Variants in SAFB observed in about 807,000 individuals in gnomAD.
SAFB encodes the protein scaffold attachment factor B.
SAFB carries 15 observed loss-of-function variants against 101.6 expected under a neutral mutation model. The ratio of observed to expected loss-of-function variants is 0.15; its 90% CI spans 0.10 to 0.23. The LOEUF (loss-of-function observed/expected upper bound fraction) is 0.23, where lower values mean the gene tolerates loss of function less well. Among genes scored for constraint, SAFB ranks in the 10% least tolerant of loss-of-function variants. The pLI is 1.00. For synonymous variants in SAFB, 449 were observed against 407.5 expected (o/e 1.10, Z -1.23); for missense variants, 930 against 1,104.1 (o/e 0.84, Z 2.23).
At chr19:5,642,015 A>G (rs2053726840) in intron 4 of SAFB, 69 bp downstream of exon 4, 1 of 1,252,968 alleles carries the variant, frequency 8.0e-7, no homozygotes, top group East Asian at 2.4e-5. Context: ...ATAGGTGATC[A>G]GTTTCATATT....
At chr19:5,661,426 G>C (rs1342613287) in intron 14 of SAFB, 92 bp from the exon 15 acceptor site, 8 of 1,559,990 alleles carry the variant, frequency 5.1e-6, no homozygotes, top group Middle Eastern at 2.3e-4. Flanking sequence ...CACAGCCCTG[G>C]AGTCTGTGCG....
chr19:5,663,894 T>G, intron 15 of SAFB, 128 bp from the exon 16 acceptor site: 1 of 1,030,368 alleles, frequency 9.7e-7, no homozygotes, highest in East Asian at 2.4e-5. Flanking sequence ...CCTTGCCTCC[T>G]ATAGGAGAGA....
At chr19:5,632,392 C>T (rs754054837) in intron 2 of SAFB, among the ~76,000 whole-genome samples, 3 of 152,208 alleles carry the variant, frequency 2.0e-5, no homozygotes, top group Non-Finnish European at 4.4e-5. Flanking sequence ...TTGCAAGGCG[C>T]ATATGCCCCT....
At chr19:5,634,412 T>A (rs1262611553) in intron 2 of SAFB, among the ~76,000 whole-genome samples, 1 of 152,088 alleles carries the variant, frequency 6.6e-6, no homozygotes, top group East Asian at 1.9e-4. Flanking sequence ...TTTGTTCATT[T>A]GATGGTGGGG....
At chr19:5,647,913 C>T (rs975601332) in intron 5 of SAFB, 103 bp from the exon 6 acceptor site, 2 of 1,087,798 alleles carry the variant, frequency 1.8e-6, no homozygotes, top group Non-Finnish European at 1.4e-6. Context: ...AGTTTCCCTC[C>T]CTGGATTTTT....
chr19:5,640,008 TG>T (rs1457511508), intron 2 of SAFB, among the ~76,000 whole-genome samples: 1 of 151,710 alleles, frequency 6.6e-6, no homozygotes, highest in Non-Finnish European at 1.5e-5. Context: ...TGGCTAATTT[TG>T]TTTTTTGTTT....
intron 2 of SAFB, among the ~76,000 whole-genome samples, chr19:5,640,025 G>A (rs532949470): frequency 2.0e-5 from 3 of 151,546 alleles, no homozygotes; most frequent in Non-Finnish European, 1.5e-5. Context: ...TGTTTTTTTG[G>A]TTTTTTTTAG....
chr19:5,645,294 ATTG>A (rs776261119), intron 4 of SAFB, 40 bp from the exon 5 acceptor site: 120 of 818,366 alleles, frequency 1.5e-4, no homozygotes, highest in Admixed American at 1.1e-3. Context: ...ATGTTACGTT[ATTG>A]TTGGTGTGAT....
At chr19:5,645,761 A>G (rs954864981) in intron 5 of SAFB, among the ~76,000 whole-genome samples, 5 of 152,190 alleles carry the variant, frequency 3.3e-5, no homozygotes, top group Non-Finnish European at 7.4e-5. Context: ...GCAAGAGGGC[A>G]TGGCTACCTG....
intron 14 of SAFB, among the ~76,000 whole-genome samples, chr19:5,659,670 T>C (rs887429231): frequency 6.6e-6 from 1 of 150,956 alleles, no homozygotes; most frequent in African/African-American, 2.4e-5. Context: ...CGTGAGCCAC[T>C]GCGCCCAGCC....
At position 5,623,209 on chromosome 19, in the gene SAFB, G is replaced by T. The variant is rs760249220; in HGVS notation, c.4G>T (p.Ala2Ser). M[A>S]ETLSGLGDSG... ...CGGCGGAGCCAGGGTCCCTGGAATG[G>T]CGGAGACTCTGTCAGGCCTAGGTGA... The change falls in exon 1 of 21, where the codon GCG (alanine) becomes TCG (serine). Residue 2 changes from alanine to serine, a missense_variant. Ala to Ser is a moderately conservative substitution (Grantham distance 99, BLOSUM62 1). Transcript: ENST00000588852. 4 of 1,587,618 alleles carry T rather than the reference G, an allele frequency of 2.5e-6. No individual in the cohort carries two copies. The highest frequency in any genetic ancestry group is 3.4e-6 in the Non-Finnish European group (4 of 1,167,540).
intron 17 of SAFB, 54 bp from the exon 18 acceptor site, chr19:5,666,992 G>T: frequency 1.8e-6 from 2 of 1,103,730 alleles, no homozygotes; most frequent in Non-Finnish European, 1.4e-6. Flanking sequence ...AAGCCTTGGG[G>T]TCTGGGCGCT....
Position 5,657,096 on chromosome 19 carries a change from G to A in SAFB, c.1756-145G>A, listed in dbSNP as rs1309373947. 5 of 607,550 alleles carry A rather than the reference G, an allele frequency of 8.2e-6. No individual in the cohort carries two copies. The African/African-American group carries it at 9.3e-5, about 11-fold the overall frequency. The allele number at this position is 607,550 out of a possible 1,614,324, so 37.6% of individuals were successfully genotyped here. A position where few individuals can be genotyped will look rare whatever the true frequency, so the allele number is the denominator to read the frequency against. On this transcript the variant is annotated intron_variant, in intron 13 of 20. Transcript: ENST00000588852. ...ATTTTTATATTTTTAGTAGAGTCAA[G>A]GTTTCACCATGTTGGCCAGGCTGGT...
At chr19:5,638,861 A>G (rs1371411116) in intron 2 of SAFB, among the ~76,000 whole-genome samples, 1 of 151,750 alleles carries the variant, frequency 6.6e-6, no homozygotes, top group Non-Finnish European at 1.5e-5. Flanking sequence ...CTGGGATTAC[A>G]GGCGCCTGCC....
chr19:5,623,930 G>GA (rs1208001045), intron 1 of SAFB: 2 of 152,296 alleles, frequency 1.3e-5, no homozygotes, highest in Non-Finnish European at 2.9e-5. Context: ...TACTCAAAGG[G>GA]AAAAATAGAA....
At chr19:5,659,128 C>T (rs1393828580) in intron 14 of SAFB, among the ~76,000 whole-genome samples, 2 of 148,030 alleles carry the variant, frequency 1.4e-5, no homozygotes, top group Admixed American at 6.7e-5. Flanking sequence ...GGTGACAGAG[C>T]GAGACTCCGT....
rs555218774 is a variant in SAFB at position 5,653,274 on chromosome 19, C to T, written c.1443+10C>T. ...GATCTCCGTGGAGAAAGTGAGTGGC[C>T]GTTTTCTTCCCAGGATATAGCCCAC... On this transcript the variant is annotated intron_variant, in intron 10 of 20. Coordinates refer to ENST00000588852, the MANE Select transcript of SAFB (RefSeq NM_001201338.2). 53 of 1,613,980 alleles carry T rather than the reference C, an allele frequency of 3.3e-5. 1 individual carries two copies. The South Asian group carries it at 4.8e-4, about 15-fold the overall frequency.
At chr19:5,648,283 T>C in intron 6 of SAFB, 1 of 525,104 alleles carries the variant, frequency 1.9e-6, no homozygotes. Flanking sequence ...AAGTATCTCA[T>C]GCCTTTTTGA....
At chr19:5,653,513 C>T (rs1180935896) in intron 11 of SAFB, 93 bp downstream of exon 11, 1 of 1,106,150 alleles carries the variant, frequency 9.0e-7, no homozygotes, top group Non-Finnish European at 1.3e-6. Context: ...GTCGCCCAGA[C>T]TGGAGTGCAG....
Sources: gnomAD v4.1 joint callset for allele counts (sites outside exome capture counted in the v4.1 genomes callset) on GRCh38, gnomAD v4.1.1 for gene constraint, MANE v1.5 for transcripts, NCBI Gene and HGNC (gene_info 2026-07-23, HGNC 2026-07-21) for gene names.